BANK1: variants seen among roughly 807,000 people sequenced by gnomAD.
BANK1 encodes the protein B-cell scaffold protein with ankyrin repeats.
Under a neutral mutation model 94.5 loss-of-function variants are expected in BANK1, and 95 were observed. That is an observed-to-expected ratio of 1.00 (90% CI 0.85 to 1.19). The LOEUF (loss-of-function observed/expected upper bound fraction) is 1.19. BANK1 is among the 50% of genes most tolerant of loss of function. The pLI is 0.00. For synonymous variants in BANK1, 334 were observed against 308.4 expected, an observed-to-expected ratio of 1.08 and a Z score of -0.87; for missense variants, 987 against 932.2, an observed-to-expected ratio of 1.06 and a Z score of -0.77.
At chr4:101,967,677 A>G (rs1345042732) in intron 7 of BANK1, among the ~76,000 whole-genome samples, 2 of 152,020 alleles carry the variant, frequency 1.3e-5, no homozygotes, top group Non-Finnish European at 2.9e-5. Context: ...ATCAGGTTTC[A>G]TATCCCAGAC....
intron 1 of BANK1, among the ~76,000 whole-genome samples, chr4:101,824,994 C>A (rs904096603): frequency 6.6e-6 from 1 of 151,924 alleles, no homozygotes. Context: ...GTATTTAAGA[C>A]AAATAAGGCA....
At chr4:102,014,827 G>A (rs180907451) in intron 7 of BANK1, among the ~76,000 whole-genome samples, 227 of 152,020 alleles carry the variant, frequency 1.5e-3, no homozygotes, top group African/African-American at 5.1e-3. Flanking sequence ...GTTTTTGCAT[G>A]TTTTGGTAAA....
At position 101,903,491 on chromosome 4, in the gene BANK1, T is replaced by TG. The variant is rs1722348562; in HGVS notation, c.1009+8082dup. On this transcript the variant is annotated intron_variant, in intron 6 of 16. Coordinates refer to ENST00000322953, the MANE Select transcript of BANK1 (RefSeq NM_017935.5). Reference sequence around the variant, plus strand: ...AAGAAAAAGCCAGTCTACTACGTCATGTTCTTGGACAATAACACCAGTAGG... The same window carrying TG: ...AAGAAAAAGCCAGTCTACTACGTCATGGTTCTTGGACAATAACACCAGTAGG... Among the ~76,000 whole-genome samples the TG allele has an allele frequency of 3.3e-5, 5 of 152,334 alleles. No individual in the cohort carries two copies. The South Asian group carries it at 1.0e-3, about 32-fold the overall frequency.
At chr4:102,050,081 G>A (rs774009167) in intron 11 of BANK1, among the ~76,000 whole-genome samples, 1 of 152,188 alleles carries the variant, frequency 6.6e-6, no homozygotes, top group Non-Finnish European at 1.5e-5. Context: ...AGTGCACTTG[G>A]ATCTCTCAAG....
chr4:101,828,598 A>G (rs868404780), intron 1 of BANK1, among the ~76,000 whole-genome samples: 2 of 151,872 alleles, frequency 1.3e-5, no homozygotes, highest in African/African-American at 2.4e-5. Context: ...CTTTCACTCA[A>G]TATTATGTCT....
intron 7 of BANK1, among the ~76,000 whole-genome samples, chr4:101,954,525 T>C (rs1724275390): frequency 6.6e-6 from 1 of 152,116 alleles, no homozygotes; most frequent in Non-Finnish European, 1.5e-5. Flanking sequence ...GAACTCTCTT[T>C]TGTTAAGCAG....
chr4:102,020,021 G>C (rs545850677), intron 7 of BANK1, among the ~76,000 whole-genome samples: 18 of 152,160 alleles, frequency 1.2e-4, no homozygotes, highest in African/African-American at 4.3e-4. Context: ...TTAGGTTTCA[G>C]CCTCAGTACA....
intron 7 of BANK1, among the ~76,000 whole-genome samples, chr4:102,020,471 C>G (rs538413078): frequency 6.6e-6 from 1 of 151,874 alleles, no homozygotes; most frequent in Non-Finnish European, 1.5e-5. Flanking sequence ...ATTTCATTTT[C>G]AAAATTCCAT....
At chr4:101,977,622 T>C (rs1725179737) in intron 7 of BANK1, among the ~76,000 whole-genome samples, 1 of 152,142 alleles carries the variant, frequency 6.6e-6, no homozygotes, top group Admixed American at 6.6e-5. Context: ...CAGACAAATG[T>C]AGTCTCTGAG....
At chr4:101,968,759 A>T (rs1002520798) in intron 7 of BANK1, among the ~76,000 whole-genome samples, 14 of 152,272 alleles carry the variant, frequency 9.2e-5, no homozygotes, top group Admixed American at 9.2e-4. Context: ...GTATCATACA[A>T]ATGTTAGAAA....
rs537654182 is a variant in BANK1 at position 102,011,743 on chromosome 4, A to G, written c.1207-9771A>G. 2.6e-5 allele frequency among the ~76,000 whole-genome samples: 4 copies of G among 152,282 alleles called. No homozygotes were observed. In the South Asian group the frequency reaches 8.3e-4, roughly 32 times the overall value. ...TTCCATTTTATTTCACCTTAAATAC[A>G]CTGCAAATTTATATTTTAAGAGGTT... On this transcript the variant is annotated intron_variant, in intron 7 of 16. Transcript: ENST00000322953.
At chr4:102,063,168 T>C (rs771353280) in intron 13 of BANK1, 30 bp downstream of exon 13, 1 of 1,577,316 alleles carries the variant, frequency 6.3e-7, no homozygotes, top group Non-Finnish European at 8.7e-7. Context: ...TATTCAAAAA[T>C]AATAGAGTGA....
intron 11 of BANK1, among the ~76,000 whole-genome samples, chr4:102,048,869 G>T (rs987121043): frequency 6.6e-6 from 1 of 152,164 alleles, no homozygotes; most frequent in Non-Finnish European, 1.5e-5. Context: ...AAACTCAACA[G>T]ATTCTTCAAC....
chr4:101,849,281 A>C (rs935710588), intron 2 of BANK1, among the ~76,000 whole-genome samples: 1 of 152,122 alleles, frequency 6.6e-6, no homozygotes. Flanking sequence ...TATTTTACCA[A>C]TAGTTATTGA....
At chr4:101,995,233 A>G (rs146583589) in intron 7 of BANK1, among the ~76,000 whole-genome samples, 76 of 152,188 alleles carry the variant, frequency 5.0e-4, no homozygotes, top group Middle Eastern at 3.4e-3. Flanking sequence ...GCTGAGAATG[A>G]TGGTTTCCAA....
chr4:101,854,518 A>G (rs996177512), intron 2 of BANK1, among the ~76,000 whole-genome samples: 2 of 152,168 alleles, frequency 1.3e-5, no homozygotes, highest in African/African-American at 2.4e-5. Flanking sequence ...CATTTTGGTA[A>G]GTACTAGTAT....
intron 13 of BANK1, among the ~76,000 whole-genome samples, chr4:102,070,976 T>A (rs1319162782): frequency 1.3e-5 from 2 of 152,198 alleles, no homozygotes; most frequent in Non-Finnish European, 2.9e-5. Flanking sequence ...ATGAAGTAGC[T>A]CAAGCTAGCG....
At chr4:101,802,592 T>C (rs1725392754) in intron 1 of BANK1, among the ~76,000 whole-genome samples, 1 of 152,212 alleles carries the variant, frequency 6.6e-6, no homozygotes, top group Non-Finnish European at 1.5e-5. Context: ...ATGTATTTTG[T>C]GTTTGTATGT....
chr4:101,791,295 C>A (rs1294028134), intron 1 of BANK1, among the ~76,000 whole-genome samples: 2 of 152,214 alleles, frequency 1.3e-5, no homozygotes, highest in Non-Finnish European at 2.9e-5. Context: ...TAAAGCAATG[C>A]GCGTTTAAAA....
Sources: allele counts gnomAD v4.1 joint callset (sites outside exome capture counted in the v4.1 genomes callset), GRCh38; gene constraint gnomAD v4.1.1; transcripts MANE v1.5; gene names NCBI Gene and HGNC (gene_info 2026-07-23, HGNC 2026-07-21).